The following CDC42SE2 variants were observed in gnomAD, a reference collection of about 807,000 sequenced individuals.
CDC42SE2 encodes the protein CDC42 small effector protein 2.
In CDC42SE2, 3 loss-of-function variants were observed where a neutral mutation model predicts 11.5. The ratio of observed to expected loss-of-function variants is 0.26; its 90% CI spans 0.12 to 0.67. CDC42SE2 has a LOEUF of 0.67. CDC42SE2 is among the 30% of genes least tolerant of loss of function. The pLI, the probability that CDC42SE2 is intolerant of heterozygous loss-of-function variation, is 0.80. For synonymous variants in CDC42SE2, 33 were observed against 34.8 expected (o/e 0.95, Z 0.18); for missense variants, 82 against 106.8 (o/e 0.77, Z 1.02).
chr5:131,282,278 T>C (rs907604828), intron 1 of CDC42SE2, among the ~76,000 whole-genome samples: 2 of 152,254 alleles, frequency 1.3e-5, no homozygotes, highest in Non-Finnish European at 2.9e-5. Context: ...GAAGTCACTT[T>C]TAAAGGCTAA....
At chr5:131,365,115 C>A (rs113300819) in intron 3 of CDC42SE2, among the ~76,000 whole-genome samples, 273 of 152,140 alleles carry the variant, frequency 1.8e-3, no homozygotes, top group African/African-American at 6.2e-3. Flanking sequence ...CATGGTGAAA[C>A]CCTGTCTCTA....
intron 2 of CDC42SE2, among the ~76,000 whole-genome samples, chr5:131,333,575 G>T (rs1213406259): frequency 6.6e-6 from 1 of 152,152 alleles, no homozygotes; most frequent in Non-Finnish European, 1.5e-5. Flanking sequence ...CCATTTTCAT[G>T]ATACTGATTT....
intron 3 of CDC42SE2, among the ~76,000 whole-genome samples, chr5:131,362,384 C>T (rs544576739): frequency 1.5e-3 from 222 of 152,258 alleles, no homozygotes; most frequent in Middle Eastern, 0.014. Flanking sequence ...TGCTTGTTGG[C>T]ATCAGGAAAC....
intron 1 of CDC42SE2, among the ~76,000 whole-genome samples, chr5:131,288,601 C>T (rs1185454181): frequency 6.6e-6 from 1 of 152,164 alleles, no homozygotes; most frequent in Admixed American, 6.6e-5. Flanking sequence ...TTCAGATGAT[C>T]CTTCTGCCTC....
At chr5:131,262,709 A>G (rs1006877551), upstream of CDC42SE2, among the ~76,000 whole-genome samples, 45 of 152,320 alleles carry the variant, frequency 3.0e-4, no homozygotes, top group African/African-American at 1.1e-3. Context: ...TCCTGTATAA[A>G]TTATCTATAG....
intron 2 of CDC42SE2, among the ~76,000 whole-genome samples, chr5:131,347,607 C>G (rs981210693): frequency 6.6e-6 from 1 of 152,164 alleles, no homozygotes; most frequent in African/African-American, 2.4e-5. Flanking sequence ...TGAAACTACT[C>G]CAATCAATAG....
chr5:131,320,552 G>A (rs1423486160), intron 2 of CDC42SE2, among the ~76,000 whole-genome samples: 2 of 152,044 alleles, frequency 1.3e-5, no homozygotes, highest in Non-Finnish European at 2.9e-5. Flanking sequence ...GACCAGCCTG[G>A]TCAACATGGT....
chr5:131,244,009 C>A (rs1296922908), upstream of CDC42SE2, among the ~76,000 whole-genome samples: 1 of 152,180 alleles, frequency 6.6e-6, no homozygotes, highest in African/African-American at 2.4e-5. Context: ...AATGGAAAAA[C>A]TTTGACCATG....
the CDC42SE2 span, among the ~76,000 whole-genome samples, chr5:131,225,298 G>A: frequency 0.25 from 37,284 of 152,028 alleles, 6,082 homozygotes; most frequent in African/African-American, 0.47. Flanking sequence ...TCAAACTAAC[G>A]GGATTTCAGG....
intron 2 of CDC42SE2, among the ~76,000 whole-genome samples, chr5:131,331,972 T>G (rs1758427632): frequency 6.6e-6 from 1 of 152,240 alleles, no homozygotes; most frequent in African/African-American, 2.4e-5. Context: ...ATTTATTTAT[T>G]TTTTATTGTT....
intron 3 of CDC42SE2, among the ~76,000 whole-genome samples, chr5:131,375,573 C>A (rs1166896685): frequency 6.6e-6 from 1 of 152,136 alleles, no homozygotes; most frequent in African/African-American, 2.4e-5. Context: ...ACCTGAGGGC[C>A]ACTGCTGGCA....
At chr5:131,231,769 T>C in the CDC42SE2 span, among the ~76,000 whole-genome samples, 1 of 152,130 alleles carries the variant, frequency 6.6e-6, no homozygotes, top group African/African-American at 2.4e-5. Context: ...TATTTTAGAA[T>C]TGTTATACTT....
chr5:131,226,882 A>G, the CDC42SE2 span, among the ~76,000 whole-genome samples: 104 of 152,306 alleles, frequency 6.8e-4, 1 homozygote, highest in Non-Finnish European at 1.5e-5. Flanking sequence ...AACTGCCTCT[A>G]CTTACCAAAT....
chr5:131,309,963 C>T (rs1307513463), intron 1 of CDC42SE2, among the ~76,000 whole-genome samples: 3 of 151,972 alleles, frequency 2.0e-5, no homozygotes, highest in South Asian at 2.1e-4. Context: ...CTGCTCTGAT[C>T]TTAGTTATTT....
intron 2 of CDC42SE2, among the ~76,000 whole-genome samples, chr5:131,325,815 T>C (rs1016160622): frequency 5.9e-5 from 9 of 152,230 alleles, no homozygotes; most frequent in African/African-American, 2.2e-4. Context: ...CTCTTCCTAA[T>C]ATGATAATCA....
At chr5:131,338,880 A>G (rs1269893172) in intron 2 of CDC42SE2, among the ~76,000 whole-genome samples, 2 of 152,184 alleles carry the variant, frequency 1.3e-5, no homozygotes, top group Non-Finnish European at 2.9e-5. Context: ...GAATTAAATT[A>G]AAATGTACAC....
intron 3 of CDC42SE2, among the ~76,000 whole-genome samples, chr5:131,361,176 G>A (rs1341220955): frequency 6.6e-6 from 1 of 151,008 alleles, no homozygotes; most frequent in Non-Finnish European, 1.5e-5. Context: ...GCAGTGACGT[G>A]ATATATAATA....
intron 1 of CDC42SE2, among the ~76,000 whole-genome samples, chr5:131,290,487 T>G (rs1326288545): frequency 9.3e-6 from 1 of 107,858 alleles, no homozygotes; most frequent in African/African-American, 4.5e-5. Flanking sequence ...TTTTTTTTTG[T>G]TTTTTTTTTT....
At chr5:131,302,215 T>C (rs998637480) in intron 1 of CDC42SE2, among the ~76,000 whole-genome samples, 2 of 151,848 alleles carry the variant, frequency 1.3e-5, no homozygotes, top group African/African-American at 4.8e-5. Context: ...GTTTTGCTTT[T>C]GTTGCCCAGG....
Sources: gnomAD v4.1 joint callset for allele counts (sites outside exome capture counted in the v4.1 genomes callset) on GRCh38, gnomAD v4.1.1 for gene constraint, MANE v1.5 for transcripts, NCBI Gene and HGNC (gene_info 2026-07-23, HGNC 2026-07-21) for gene names.